The following FMNL3 variants were observed in gnomAD, a reference collection of about 807,000 sequenced individuals.
FMNL3 encodes the protein formin like 3.
Under a neutral mutation model 119.6 loss-of-function variants are expected in FMNL3, and 57 were observed. That is an observed-to-expected ratio of 0.48 (90% confidence interval 0.39 to 0.59). The LOEUF is 0.59. Among genes scored for constraint, FMNL3 ranks in the 20% least tolerant of loss-of-function variants. The pLI, the probability that FMNL3 is intolerant of heterozygous loss-of-function variation, is 0.00. For synonymous variants in FMNL3, 491 were observed against 507.3 expected (o/e 0.97, Z 0.43); for missense variants, 1,053 against 1,323.5 (o/e 0.80, Z 3.17).
chr12:49,644,128 T>G lies in FMNL3; in HGVS notation c.*1687A>C. 6.2e-7 allele frequency: 1 copy of G among 1,614,070 alleles called. No homozygotes were observed. The highest frequency in any genetic ancestry group is 1.1e-5 in the South Asian group (1 of 91,078). On this transcript the variant is annotated 3_prime_UTR_variant, in exon 26 of 26. Coordinates refer to ENST00000335154, the MANE Select transcript of FMNL3 (RefSeq NM_175736.5). ...GGCTGGGACACGTCAGAAAGTGAGCTGAGTGAGGGTGAGCTGGAGAGGCGG... is the reference window on the plus strand; with the variant it reads ...GGCTGGGACACGTCAGAAAGTGAGCGGAGTGAGGGTGAGCTGGAGAGGCGG...
rs559151186 is a variant in FMNL3 at position 49,651,716 on chromosome 12, T to A, written c.1603+217A>T. ...GGAATTGGGAGCAACATCTTTATGA[T>A]CCTTAAAACAGGTCCACATCTGCCT... On this transcript the variant is annotated intron_variant, in intron 14 of 25. Transcript: ENST00000335154. 1.1e-4 allele frequency among the ~76,000 whole-genome samples: 16 copies of A among 152,350 alleles called. No homozygotes were observed. The South Asian group carries it at 1.9e-3, about 18-fold the overall frequency.
chr12:49,672,502 C>G (rs1212930199), intron 1 of FMNL3, among the ~76,000 whole-genome samples: 1 of 152,236 alleles, frequency 6.6e-6, no homozygotes, highest in East Asian at 1.9e-4. Context: ...GCTGGTGCTT[C>G]TCCAGCAAGG....
Position 49,636,924 on chromosome 12 carries a change from C to A in FMNL3, c.*8891G>T, listed in dbSNP as rs115064935. The A allele has an allele frequency of 1.9e-6, 3 of 1,599,408 alleles. No individual in the cohort carries two copies. The highest frequency in any genetic ancestry group is 1.1e-5 in the South Asian group (1 of 90,398). On this transcript the variant is annotated 3_prime_UTR_variant, in exon 26 of 26. Coordinates refer to ENST00000335154, the MANE Select transcript of FMNL3 (RefSeq NM_175736.5). The stretch of plus-strand genomic sequence containing the variant: ...CAACCTCTTCACCCATTCCCTGCCC[C>A]CTTCTGGATACGCTGCCTGTTCTTT...
chr12:49,681,962 G>A (rs892138374), intron 1 of FMNL3, among the ~76,000 whole-genome samples: 2 of 152,138 alleles, frequency 1.3e-5, no homozygotes, highest in Non-Finnish European at 2.9e-5. Flanking sequence ...ACAGTGCCTG[G>A]CGCAGGAGAA....
At chr12:49,688,925 T>A (rs1445325532) in intron 1 of FMNL3, among the ~76,000 whole-genome samples, 1 of 152,132 alleles carries the variant, frequency 6.6e-6, no homozygotes, top group Non-Finnish European at 1.5e-5. Context: ...ATAATAAAAA[T>A]TATTTAGTAC....
At chr12:49,699,153 T>C (rs1944834209) in intron 1 of FMNL3, among the ~76,000 whole-genome samples, 1 of 152,028 alleles carries the variant, frequency 6.6e-6, no homozygotes, top group South Asian at 2.1e-4. Flanking sequence ...GTGGGAGAAA[T>C]GTTTCCCCAG....
chr12:49,688,752 C>A, intron 1 of FMNL3: 2 of 280,262 alleles, frequency 7.1e-6, no homozygotes, highest in Non-Finnish European at 1.4e-5. Context: ...CAGACTAACT[C>A]CAAGTGCTTG....
intron 1 of FMNL3, among the ~76,000 whole-genome samples, chr12:49,689,379 T>C (rs1455749008): frequency 6.6e-6 from 1 of 152,220 alleles, no homozygotes; most frequent in Non-Finnish European, 1.5e-5. Flanking sequence ...AGAGACCAGT[T>C]ACCAACTATT....
At chr12:49,663,440 G>T (rs1943796624) in intron 4 of FMNL3, among the ~76,000 whole-genome samples, 1 of 152,158 alleles carries the variant, frequency 6.6e-6, no homozygotes, top group Non-Finnish European at 1.5e-5. Flanking sequence ...ACCAAAGCAG[G>T]ATCCTCCTCT....
In FMNL3 at chr12:49,644,315, C is replaced by G; in HGVS notation, c.*1500G>C. ...TCCACTTTTTCTAAAGTAACCCCAC[C>G]CCCAGCACACCATTGTTGGCACCTC... On this transcript the variant is annotated 3_prime_UTR_variant, in exon 26 of 26. Transcript: ENST00000335154. 1 of 1,063,178 alleles carries G rather than the reference C, an allele frequency of 9.4e-7. No homozygotes were observed. Among genetic ancestry groups the G allele is most frequent in the South Asian group, 1.4e-5 (1 of 70,130 alleles). 65.9% of individuals were successfully genotyped at this position (1,063,178 alleles called of 1,614,324 possible).
At chr12:49,692,001 C>G (rs1944618666) in intron 1 of FMNL3, among the ~76,000 whole-genome samples, 1 of 141,616 alleles carries the variant, frequency 7.1e-6, no homozygotes, top group Non-Finnish European at 1.5e-5. Context: ...CGCCACTGCA[C>G]TCCAGCCTGG....
intron 1 of FMNL3, among the ~76,000 whole-genome samples, chr12:49,686,942 C>A (rs1409870300): frequency 6.6e-6 from 1 of 152,152 alleles, no homozygotes; most frequent in Non-Finnish European, 1.5e-5. Flanking sequence ...TGATCCCCAC[C>A]CAGACTGGCT....
intron 14 of FMNL3, 149 bp downstream of exon 14, chr12:49,651,784 C>T (rs1943410573): frequency 1.5e-6 from 2 of 1,374,230 alleles, no homozygotes; most frequent in Admixed American, 5.8e-5. Context: ...CCTCAGATTC[C>T]AGGCCTCCCT....
At position 49,643,723 on chromosome 12, in the gene FMNL3, A is replaced by G. The variant is rs1464153291; in HGVS notation, c.*2092T>C. ...CCTTCGGAAAGCCAAGAAACCAAAA[A>G]AGAAAACTAAGAAGAGAAGACACAA... On this transcript the variant is annotated 3_prime_UTR_variant, in exon 26 of 26. Coordinates refer to ENST00000335154, the MANE Select transcript of FMNL3 (RefSeq NM_175736.5). 4 of 1,614,036 alleles carry G rather than the reference A, an allele frequency of 2.5e-6. No individual in the cohort carries two copies. The highest frequency in any genetic ancestry group is 1.3e-5 in the African/African-American group (1 of 74,918).
chr12:49,650,954 T>C (rs1036333889), intron 16 of FMNL3, 76 bp from the exon 17 acceptor site: 7 of 1,551,314 alleles, frequency 4.5e-6, no homozygotes, highest in African/African-American at 4.1e-5. Context: ...CCACCCAGCA[T>C]TGGCCCAGAG....
chr12:49,689,299 T>C (rs1944543654), intron 1 of FMNL3, among the ~76,000 whole-genome samples: 1 of 152,240 alleles, frequency 6.6e-6, no homozygotes, highest in South Asian at 2.1e-4. Flanking sequence ...CTCTAACCTA[T>C]GAGGATTGAG....
intron 10 of FMNL3, 125 bp from the exon 11 acceptor site, chr12:49,654,427 G>C: frequency 4.4e-6 from 3 of 688,118 alleles, no homozygotes; most frequent in Non-Finnish European, 7.5e-6. Context: ...CAATTAAAGA[G>C]TTAAGTCTTT....
chr12:49,702,501 T>A (rs375627300), intron 1 of FMNL3, among the ~76,000 whole-genome samples: 19 of 152,314 alleles, frequency 1.2e-4, no homozygotes, highest in African/African-American at 4.6e-4. Flanking sequence ...CTTTCTGAAT[T>A]GTCCCATACT....
At chr12:49,664,431 A>G (rs1258970580) in intron 4 of FMNL3, among the ~76,000 whole-genome samples, 1 of 152,132 alleles carries the variant, frequency 6.6e-6, no homozygotes, top group Non-Finnish European at 1.5e-5. Flanking sequence ...AAAAGAAGAC[A>G]GAAGGGCTGA....
Sources: allele counts gnomAD v4.1 joint callset (sites outside exome capture counted in the v4.1 genomes callset), GRCh38; gene constraint gnomAD v4.1.1; transcripts MANE v1.5; gene names NCBI Gene and HGNC (gene_info 2026-07-23, HGNC 2026-07-21).